Variants in TRPM8 observed in about 807,000 individuals in gnomAD.
TRPM8 encodes transient receptor potential cation channel subfamily M member 8.
In TRPM8, 110 loss-of-function variants were observed where a neutral mutation model predicts 133.7. The observed-to-expected ratio is 0.82, with a 90% CI of 0.70 to 0.96. The LOEUF is 0.96. Among genes scored for constraint, TRPM8 ranks in the 40% least tolerant of loss-of-function variants. TRPM8 has a pLI of 0.00. For synonymous variants in TRPM8, 535 were observed against 532.3 expected, an observed-to-expected ratio of 1.01 and a Z score of -0.07; for missense variants, 1,291 against 1,379.5, an observed-to-expected ratio of 0.94 and a Z score of 1.02.
intron 3 of TRPM8, among the ~76,000 whole-genome samples, chr2:233,933,529 A>T (rs763525134): frequency 7.2e-5 from 11 of 151,842 alleles, no homozygotes; most frequent in Non-Finnish European, 1.3e-4. Context: ...AGGTATCTGC[A>T]CTCCTAATGT....
At chr2:233,966,488 G>A (rs954965132) in intron 14 of TRPM8, 122 bp from the exon 15 acceptor site, 6 of 1,226,608 alleles carry the variant, frequency 4.9e-6, no homozygotes, top group Non-Finnish European at 6.9e-6. Context: ...TATGCCTTTT[G>A]TAAGAATGGA....
At chr2:233,943,338 G>A (rs1203690114) in intron 6 of TRPM8, among the ~76,000 whole-genome samples, 1 of 151,930 alleles carries the variant, frequency 6.6e-6, no homozygotes, top group Non-Finnish European at 1.5e-5. Flanking sequence ...ACAGTGATAG[G>A]CTGGATTAAG....
intron 7 of TRPM8, among the ~76,000 whole-genome samples, chr2:233,946,491 G>C (rs1691045644): frequency 6.6e-6 from 1 of 152,208 alleles, no homozygotes; most frequent in South Asian, 2.1e-4. Context: ...AGAGAAGAAT[G>C]CAACAGTTGA....
At chr2:234,001,819 C>T (rs533242457) in intron 22 of TRPM8, among the ~76,000 whole-genome samples, 27 of 152,218 alleles carry the variant, frequency 1.8e-4, no homozygotes, top group African/African-American at 5.5e-4. Context: ...CCAGAGGTGA[C>T]GTAGATAATT....
chr2:233,973,341 T>TC (rs1214288004), intron 17 of TRPM8, among the ~76,000 whole-genome samples: 2 of 152,208 alleles, frequency 1.3e-5, no homozygotes, highest in African/African-American at 4.8e-5. Flanking sequence ...CAGGGCTGAC[T>TC]CCCTCTGGAG....
chr2:233,918,338 T>C (rs988189620), intron 1 of TRPM8, among the ~76,000 whole-genome samples: 23 of 149,386 alleles, frequency 1.5e-4, no homozygotes, highest in South Asian at 6.3e-4. Flanking sequence ...ATAATTGTTA[T>C]AGAAATAATA....
chr2:233,918,083 G>A (rs988307289), intron 1 of TRPM8, among the ~76,000 whole-genome samples: 7 of 152,170 alleles, frequency 4.6e-5, no homozygotes, highest in Middle Eastern at 3.4e-3. Context: ...TATTGCCAGT[G>A]CTGACTTTTT....
At chr2:234,015,812 G>A (rs762636085) in intron 25 of TRPM8, among the ~76,000 whole-genome samples, 2 of 152,112 alleles carry the variant, frequency 1.3e-5, no homozygotes, top group Non-Finnish European at 2.9e-5. Flanking sequence ...TTTCATAATC[G>A]TATTTAATGA....
chr2:234,014,539 T>C (rs200616470), intron 24 of TRPM8, 23 bp from the exon 25 acceptor site: 6 of 1,481,856 alleles, frequency 4.0e-6, no homozygotes, highest in Admixed American at 5.0e-5. Context: ...TTAAGATGAG[T>C]TCTATTTTTT....
chr2:234,001,065 T>C (rs1413951237), intron 22 of TRPM8, among the ~76,000 whole-genome samples: 1 of 152,196 alleles, frequency 6.6e-6, no homozygotes, highest in Non-Finnish European at 1.5e-5. Context: ...GATCCCATGG[T>C]AATAAACTGG....
chr2:233,958,460 T>A (rs1691347965), intron 11 of TRPM8, among the ~76,000 whole-genome samples: 1 of 152,070 alleles, frequency 6.6e-6, no homozygotes, highest in Non-Finnish European at 1.5e-5. Context: ...ACCTTGGAAA[T>A]CACCAGGCTC....
In TRPM8 at chr2:233,942,569, T is replaced by A. The variant is rs1472309943; in HGVS notation, c.527-7T>A. The A allele has an allele frequency of 6.2e-7, 1 of 1,614,200 alleles. No individual in the cohort carries two copies. Reference sequence around the variant, plus strand: ...CTTGACCATTTACTCTTCCTATTTGTTGACAGGTGCTTGGATTCTCACGGG... The same window carrying A: ...CTTGACCATTTACTCTTCCTATTTGATGACAGGTGCTTGGATTCTCACGGG... On this transcript the variant is annotated splice_polypyrimidine_tract_variant and splice_region_variant and intron_variant, in intron 5 of 25. Transcript: ENST00000324695.
chr2:233,954,979 A>G (rs1375326336), intron 10 of TRPM8, 153 bp from the exon 11 acceptor site: 1 of 602,238 alleles, frequency 1.7e-6, no homozygotes, highest in East Asian at 2.8e-5. Context: ...GAATGAGTGA[A>G]GATAGAGTGA....
chr2:234,010,630 T>G (rs1692813039), intron 24 of TRPM8, among the ~76,000 whole-genome samples: 1 of 152,202 alleles, frequency 6.6e-6, no homozygotes, highest in Non-Finnish European at 1.5e-5. Context: ...TTTTCCCACC[T>G]CCTTGCCAAC....
chr2:233,949,578 G>A (rs1489971172), intron 8 of TRPM8, among the ~76,000 whole-genome samples: 1 of 152,152 alleles, frequency 6.6e-6, no homozygotes, highest in Non-Finnish European at 1.5e-5. Context: ...TTTCAGATAA[G>A]CTATCAACAA....
intron 12 of TRPM8, among the ~76,000 whole-genome samples, chr2:233,962,407 G>A (rs1461226354): frequency 1.3e-5 from 2 of 152,132 alleles, no homozygotes; most frequent in East Asian, 3.8e-4. Flanking sequence ...ACTTGATAAT[G>A]CACTTTTTAT....
intron 3 of TRPM8, among the ~76,000 whole-genome samples, chr2:233,931,710 T>C (rs1691682442): frequency 6.6e-6 from 1 of 152,234 alleles, no homozygotes; most frequent in Non-Finnish European, 1.5e-5. Context: ...TCTTACTTCA[T>C]GTGAATTAGA....
In TRPM8 at chr2:234,009,232, G is replaced by A. The variant is rs201120493; in HGVS notation, c.3264+1129G>A. 2.0e-5 allele frequency among the ~76,000 whole-genome samples: 3 copies of A among 152,372 alleles called. No individual in the cohort carries two copies. In the East Asian group the frequency reaches 5.8e-4, roughly 29 times the overall value. On this transcript the variant is annotated intron_variant, in intron 24 of 25. Coordinates refer to ENST00000324695, the MANE Select transcript of TRPM8 (RefSeq NM_024080.5). ...GAGGCTCCAGCAATCTGGTTGGGGA[G>A]TTAGATGCGCTGGGAACTCTTCTAC... is the stretch of plus-strand genomic sequence containing the variant.
At chr2:233,976,477 CAG>C (rs1255763832) in intron 17 of TRPM8, among the ~76,000 whole-genome samples, 5 of 152,106 alleles carry the variant, frequency 3.3e-5, no homozygotes, top group South Asian at 2.1e-4. Context: ...TGGGAGTAGA[CAG>C]GGGCAGGTGC....
Sources: allele counts gnomAD v4.1 joint callset (sites outside exome capture counted in the v4.1 genomes callset), GRCh38; gene constraint gnomAD v4.1.1; transcripts MANE v1.5; gene names NCBI Gene and HGNC (gene_info 2026-07-23, HGNC 2026-07-21).